The following NOL4 variants were observed in gnomAD, a reference collection of about 807,000 sequenced individuals.
NOL4 encodes cancer/testis antigen 125.
NOL4 carries 17 observed loss-of-function variants against 75.9 expected under a neutral mutation model. The ratio of observed to expected loss-of-function variants is 0.22; its 90% CI spans 0.15 to 0.34. The LOEUF is 0.34. NOL4 is among the 10% of genes least tolerant of loss of function. The probability of loss-of-function intolerance (pLI) is 1.00; values close to 1 mark genes in which losing one functional copy is unlikely to be tolerated. For missense variants in NOL4, 614 were observed against 793.5 expected, an observed-to-expected ratio of 0.77 and a Z score of 2.72; for synonymous variants, 292 against 289.9, an observed-to-expected ratio of 1.01 and a Z score of -0.07.
intron 10 of NOL4, among the ~76,000 whole-genome samples, chr18:33,853,268 C>G (rs530399924): frequency 3.3e-4 from 50 of 152,192 alleles, no homozygotes; most frequent in African/African-American, 1.1e-3. Flanking sequence ...CTGGAAATCA[C>G]CTCTTGCTGT....
In NOL4 at chr18:33,851,190, A is replaced by C. The variant is rs1401742525; in HGVS notation, c.*1652T>G. The C allele has an allele frequency of 2.0e-5, 3 of 152,578 alleles. No homozygotes were observed. Among genetic ancestry groups the C allele is most frequent in the Admixed American group, 6.6e-5 (1 of 15,242 alleles). The allele number at this position is 152,578 out of a possible 1,614,324, so 9.5% of individuals were successfully genotyped here. The stretch of plus-strand genomic sequence containing the variant: ...TTTTTGAATTTTCATTTAAATAAGC[A>C]AACTCTAAATCCACATCTTAAAAGA... On this transcript the variant is annotated 3_prime_UTR_variant, in exon 11 of 11. Coordinates refer to ENST00000261592, the MANE Select transcript of NOL4 (RefSeq NM_003787.5).
chr18:34,094,938 T>C (rs989718187), intron 4 of NOL4, among the ~76,000 whole-genome samples: 1 of 152,136 alleles, frequency 6.6e-6, no homozygotes, highest in Non-Finnish European at 1.5e-5. Flanking sequence ...ATAGGAAGAA[T>C]TACCCTGGTT....
At chr18:34,111,279 G>A (rs1600629103) in intron 2 of NOL4, among the ~76,000 whole-genome samples, 1 of 152,164 alleles carries the variant, frequency 6.6e-6, no homozygotes, top group East Asian at 1.9e-4. Context: ...AACATATAAA[G>A]AACTCAAAAA....
intron 6 of NOL4, among the ~76,000 whole-genome samples, chr18:34,016,698 T>C (rs1237261504): frequency 6.6e-6 from 1 of 152,102 alleles, no homozygotes; most frequent in African/African-American, 2.4e-5. Flanking sequence ...CTCAGCACCC[T>C]TCCTCTGTTC....
chr18:34,017,857 G>A (rs1465546632), intron 6 of NOL4, among the ~76,000 whole-genome samples: 1 of 152,076 alleles, frequency 6.6e-6, no homozygotes, highest in African/African-American at 2.4e-5. Flanking sequence ...AAATTATTAA[G>A]TGCATCAGGG....
At chr18:34,105,275 C>T in intron 2 of NOL4, 115 bp from the exon 3 acceptor site, 1 of 684,612 alleles carries the variant, frequency 1.5e-6, no homozygotes, top group South Asian at 1.7e-5. Flanking sequence ...GCAGGAAGCA[C>T]AATGAAAGCA....
At chr18:34,092,068 TTATA>T (rs34430335) in intron 5 of NOL4, among the ~76,000 whole-genome samples, 77,719 of 150,896 alleles carry the variant, frequency 0.52, 20,196 homozygotes, top group Admixed American at 0.55. Flanking sequence ...TTCCCTAAAA[TTATA>T]TATAGACTAA....
chr18:33,925,081 C>T (rs1324045977), intron 9 of NOL4, among the ~76,000 whole-genome samples: 1 of 151,798 alleles, frequency 6.6e-6, no homozygotes, highest in Non-Finnish European at 1.5e-5. Context: ...ATAATGTATA[C>T]CTGAGTTTTT....
At chr18:33,901,644 CAT>C (rs1222756993) in intron 9 of NOL4, among the ~76,000 whole-genome samples, 5 of 152,010 alleles carry the variant, frequency 3.3e-5, no homozygotes, top group African/African-American at 1.2e-4. Flanking sequence ...TCATCCATAA[CAT>C]ATTAATATCT....
At chr18:34,074,215 ATTT>A (rs1242885890) in intron 5 of NOL4, among the ~76,000 whole-genome samples, 5 of 146,682 alleles carry the variant, frequency 3.4e-5, no homozygotes, top group African/African-American at 1.4e-4. Context: ...CAATATTCAT[ATTT>A]TTTAATATTA....
In NOL4 at chr18:34,050,257, C is replaced by T. The variant is rs2076572675; in HGVS notation, c.773-30656G>A. Among the ~76,000 whole-genome samples the T allele has an allele frequency of 2.0e-5, 3 of 150,902 alleles. No homozygotes were observed. The South Asian group carries it at 6.3e-4, about 32-fold the overall frequency. On this transcript the variant is annotated intron_variant, in intron 5 of 10. Transcript: ENST00000261592. ...CTGTTTTCATTATGTTCATTATTAT[C>T]TAATTAGTAAAGGGCTTTCATTTTT...
chr18:34,180,084 C>T lies in NOL4; in HGVS notation c.264+42906G>A, dbSNP rs550730054. ...AAAAAGAATTAACATCTTCTCTTTACATAGTCTTCCAAAAATTAGAAGAGG... is the reference window on the plus strand; with the variant it reads ...AAAAAGAATTAACATCTTCTCTTTATATAGTCTTCCAAAAATTAGAAGAGG... On this transcript the variant is annotated intron_variant, in intron 1 of 10. Coordinates refer to ENST00000261592, the MANE Select transcript of NOL4 (RefSeq NM_003787.5). 3.3e-5 allele frequency among the ~76,000 whole-genome samples: 5 copies of T among 151,554 alleles called. No homozygotes were observed. In the South Asian group the frequency reaches 1.0e-3, roughly 31 times the overall value.
intron 5 of NOL4, among the ~76,000 whole-genome samples, chr18:34,073,358 G>A (rs979050888): frequency 1.3e-5 from 2 of 151,874 alleles, no homozygotes; most frequent in Non-Finnish European, 2.9e-5. Flanking sequence ...TGGTCTCTGT[G>A]GGGGAACTGG....
chr18:34,046,675 C>A (rs904827750), intron 5 of NOL4, among the ~76,000 whole-genome samples: 94 of 120,732 alleles, frequency 7.8e-4, no homozygotes, highest in Non-Finnish European at 1.3e-3. Flanking sequence ...ATAAATGGTG[C>A]CTATTTTTTT....
At chr18:34,042,353 T>C (rs2076176649) in intron 5 of NOL4, among the ~76,000 whole-genome samples, 1 of 151,978 alleles carries the variant, frequency 6.6e-6, no homozygotes, top group Admixed American at 6.6e-5. Flanking sequence ...AGAATAAAAC[T>C]GTGCCAGAAA....
At chr18:33,969,349 C>T (rs1358806001) in intron 6 of NOL4, among the ~76,000 whole-genome samples, 1 of 152,018 alleles carries the variant, frequency 6.6e-6, no homozygotes, top group Non-Finnish European at 1.5e-5. Flanking sequence ...CTTTATATTT[C>T]ACTTTTCATC....
chr18:33,915,298 G>A (rs2066647037), intron 9 of NOL4, among the ~76,000 whole-genome samples: 1 of 152,120 alleles, frequency 6.6e-6, no homozygotes, highest in Non-Finnish European at 1.5e-5. Flanking sequence ...AATCAAAGGA[G>A]AGAATTTGGC....
At chr18:34,141,809 C>G (rs2081178212) in intron 1 of NOL4, among the ~76,000 whole-genome samples, 1 of 151,808 alleles carries the variant, frequency 6.6e-6, no homozygotes, top group South Asian at 2.1e-4. Context: ...AAAGCAATGG[C>G]AACAAAAGCC....
chr18:34,066,584 C>T (rs1600463386), intron 5 of NOL4, among the ~76,000 whole-genome samples: 1 of 151,770 alleles, frequency 6.6e-6, no homozygotes, highest in Non-Finnish European at 1.5e-5. Context: ...TAGTAGAAAG[C>T]TTGCATGTCA....
Sources: allele counts gnomAD v4.1 joint callset (sites outside exome capture counted in the v4.1 genomes callset), GRCh38; gene constraint gnomAD v4.1.1; transcripts MANE v1.5; gene names NCBI Gene and HGNC (gene_info 2026-07-23, HGNC 2026-07-21).